Variants in GRM8 observed in about 807,000 individuals in gnomAD.
The protein encoded by GRM8 is metabotropic glutamate receptor 8.
A neutral mutation model predicts 87.2 loss-of-function variants in GRM8; 47 were observed. The ratio of observed to expected loss-of-function variants is 0.54; its 90% CI spans 0.43 to 0.69. The LOEUF (loss-of-function observed/expected upper bound fraction) is 0.69. GRM8 is among the 30% of genes least tolerant of loss of function. The pLI is 0.00. For missense variants in GRM8, 1,019 were observed against 1,139.2 expected (o/e 0.89, Z 1.52); for synonymous variants, 396 against 404.5 (o/e 0.98, Z 0.25).
At chr7:126,921,380 C>T (rs2131363451) in intron 3 of GRM8, among the ~76,000 whole-genome samples, 1 of 152,138 alleles carries the variant, frequency 6.6e-6, no homozygotes, top group East Asian at 1.9e-4. Context: ...CTTAACTTTC[C>T]AATTTTGAAA....
intron 2 of GRM8, among the ~76,000 whole-genome samples, chr7:127,224,220 A>G (rs1797168144): frequency 6.6e-6 from 1 of 152,226 alleles, no homozygotes; most frequent in Non-Finnish European, 1.5e-5. Flanking sequence ...CTGAGCACCA[A>G]ATGGGATAAA....
chr7:127,247,068 T>A (rs1275842023), intron 1 of GRM8, among the ~76,000 whole-genome samples: 3 of 152,178 alleles, frequency 2.0e-5, no homozygotes, highest in Non-Finnish European at 4.4e-5. Flanking sequence ...TTCAGAAAGG[T>A]GCACATCTTC....
At chr7:127,173,230 A>T (rs1793918271) in intron 2 of GRM8, among the ~76,000 whole-genome samples, 3 of 152,194 alleles carry the variant, frequency 2.0e-5, no homozygotes, top group Admixed American at 2.0e-4. Flanking sequence ...AAAATAATGA[A>T]TTCAGCATGA....
intron 8 of GRM8, among the ~76,000 whole-genome samples, chr7:126,563,128 T>C (rs1046261309): frequency 3.3e-5 from 5 of 152,182 alleles, no homozygotes; most frequent in African/African-American, 1.2e-4. Flanking sequence ...TGCTTCCTCA[T>C]GTTACACTGC....
chr7:127,243,772 T>C (rs1798436134), intron 1 of GRM8, among the ~76,000 whole-genome samples: 1 of 151,760 alleles, frequency 6.6e-6, no homozygotes, highest in African/African-American at 2.4e-5. Context: ...CTTTTATTTA[T>C]CATCTTATTT....
intron 3 of GRM8, among the ~76,000 whole-genome samples, chr7:126,935,487 A>T (rs1288010375): frequency 6.6e-6 from 1 of 152,202 alleles, no homozygotes; most frequent in Non-Finnish European, 1.5e-5. Flanking sequence ...AAGCTCACAA[A>T]ACACTAGAAA....
intron 3 of GRM8, among the ~76,000 whole-genome samples, chr7:126,962,250 G>T (rs1431939403): frequency 1.3e-5 from 2 of 152,188 alleles, no homozygotes; most frequent in Admixed American, 1.3e-4. Flanking sequence ...TTGAGGCTTG[G>T]ATAGATTAAG....
At chr7:127,025,277 C>T (rs1816667589) in intron 3 of GRM8, among the ~76,000 whole-genome samples, 2 of 152,060 alleles carry the variant, frequency 1.3e-5, no homozygotes, top group Admixed American at 1.3e-4. Context: ...TTTTTACACA[C>T]TTCTTTTCAT....
intron 3 of GRM8, among the ~76,000 whole-genome samples, chr7:127,001,261 C>T (rs2132032783): frequency 6.6e-6 from 1 of 151,628 alleles, no homozygotes; most frequent in Middle Eastern, 3.4e-3. Context: ...ATTAACTTAT[C>T]AATTACAGAC....
At chr7:126,943,205 G>C (rs1156448932) in intron 3 of GRM8, among the ~76,000 whole-genome samples, 3 of 152,166 alleles carry the variant, frequency 2.0e-5, no homozygotes, top group Non-Finnish European at 4.4e-5. Flanking sequence ...CTAATGGTCA[G>C]AGTCACCAAG....
At chr7:126,721,611 T>A (rs1398864039) in intron 7 of GRM8, among the ~76,000 whole-genome samples, 2 of 152,066 alleles carry the variant, frequency 1.3e-5, no homozygotes, top group African/African-American at 4.8e-5. Context: ...TACCTAATAC[T>A]TTCTTCCTTT....
At chr7:126,568,774 CA>C (rs904227937) in intron 8 of GRM8, among the ~76,000 whole-genome samples, 1 of 151,996 alleles carries the variant, frequency 6.6e-6, no homozygotes, top group African/African-American at 2.4e-5. Flanking sequence ...AAAATTAAAT[CA>C]AAACAAAGGG....
chr7:126,597,396 C>T (rs963536838), intron 8 of GRM8, among the ~76,000 whole-genome samples: 7 of 151,906 alleles, frequency 4.6e-5, no homozygotes, highest in East Asian at 3.9e-4. Flanking sequence ...TTTCACATAA[C>T]GCTGATGAAA....
At chr7:126,622,561 A>C (rs1200950737) in intron 7 of GRM8, among the ~76,000 whole-genome samples, 1 of 152,108 alleles carries the variant, frequency 6.6e-6, no homozygotes, top group African/African-American at 2.4e-5. Flanking sequence ...CACATATCCC[A>C]GGTCCAATCA....
chr7:126,912,617 C>T (rs1803433014), intron 3 of GRM8, among the ~76,000 whole-genome samples: 1 of 152,220 alleles, frequency 6.6e-6, no homozygotes, highest in Non-Finnish European at 1.5e-5. Context: ...TTGGCCAAGG[C>T]AGCTCTCTGT....
intron 3 of GRM8, among the ~76,000 whole-genome samples, chr7:127,047,583 CT>C (rs1172824502): frequency 6.6e-6 from 1 of 152,008 alleles, no homozygotes; most frequent in African/African-American, 2.4e-5. Context: ...TAATCCAGCA[CT>C]TTAGGAGGCT....
intron 6 of GRM8, among the ~76,000 whole-genome samples, chr7:126,857,144 G>A (rs1003705171): frequency 6.6e-6 from 1 of 152,088 alleles, no homozygotes; most frequent in African/African-American, 2.4e-5. Context: ...ATTCTAGAAG[G>A]GACAAGGGAG....
At chr7:127,153,219 C>G (rs756449072) in intron 2 of GRM8, among the ~76,000 whole-genome samples, 7 of 151,992 alleles carry the variant, frequency 4.6e-5, no homozygotes, top group Non-Finnish European at 8.8e-5. Context: ...GCATATTTCA[C>G]AGCCATCAGA....
chr7:126,890,726 A>G (rs1159506546), intron 6 of GRM8, among the ~76,000 whole-genome samples: 1 of 152,042 alleles, frequency 6.6e-6, no homozygotes, highest in East Asian at 1.9e-4. Context: ...AAGAGACACA[A>G]AGGAGAGGAT....
Sources: allele counts gnomAD v4.1 joint callset (sites outside exome capture counted in the v4.1 genomes callset), GRCh38; gene constraint gnomAD v4.1.1; transcripts MANE v1.5; gene names NCBI Gene and HGNC (gene_info 2026-07-23, HGNC 2026-07-21).